CROCC2: variants seen among roughly 807,000 people sequenced by gnomAD.
The protein encoded by CROCC2 is ciliary rootlet coiled-coil, rootletin family member 2.
Under a neutral mutation model 177.6 loss-of-function variants are expected in CROCC2, and 163 were observed. That is an observed-to-expected ratio of 0.92 (90% CI 0.81 to 1.05). The LOEUF (loss-of-function observed/expected upper bound fraction) is 1.05. Ranked by LOEUF, CROCC2 falls within the 50% of genes least tolerant of loss-of-function variation. The pLI is 0.00. For missense variants in CROCC2, 1,929 were observed against 1,797.8 expected (o/e 1.07, Z -1.32); for synonymous variants, 904 against 787.3 (o/e 1.15, Z -2.48).
intron 27 of CROCC2, among the ~76,000 whole-genome samples, chr2:240,969,675 T>C (rs1007938085): frequency 6.6e-6 from 1 of 152,246 alleles, no homozygotes; most frequent in Non-Finnish European, 1.5e-5. Context: ...GTCTCCCACA[T>C]GCATGCAGAA....
At chr2:240,987,475 ACT>A (rs928948822) in intron 28 of CROCC2, among the ~76,000 whole-genome samples, 27 of 151,936 alleles carry the variant, frequency 1.8e-4, no homozygotes, top group African/African-American at 5.8e-4. Context: ...AGTGCAGGGG[ACT>A]CTCTGTTTTT....
intron 30 of CROCC2, 71 bp from the exon 31 acceptor site, chr2:240,991,125 C>A: frequency 8.4e-7 from 1 of 1,189,472 alleles, no homozygotes; most frequent in South Asian, 1.8e-5. Context: ...CAGAGCCCTC[C>A]ATGCCTCTAT....
intron 24 of CROCC2, 70 bp from the exon 25 acceptor site, chr2:240,966,155 A>G: frequency 1.6e-6 from 2 of 1,243,288 alleles, no homozygotes; most frequent in South Asian, 3.8e-5. Flanking sequence ...GGCAGCAGAG[A>G]GGAAAGGGGA....
At chr2:240,990,570 G>GTGTTTTGTTTTGTTTTGTTTTGTTT (rs368000484) in intron 30 of CROCC2, among the ~76,000 whole-genome samples, 6 of 152,098 alleles carry the variant, frequency 3.9e-5, no homozygotes, top group African/African-American at 1.4e-4. Flanking sequence ...ATCATTCTGA[G>GTGTTTTGTTTTGTTTTGTTTTGTTT]TGTTTTGTTT....
In CROCC2 at chr2:240,918,968, C is replaced by T. The variant is rs1395986916; in HGVS notation, c.229+92C>T. On this transcript the variant is annotated intron_variant, in intron 2 of 31. Transcript: ENST00000690015. This position sits in a 1 kb window ranked among gnomAD's most constrained non-coding sequence, Gnocchi z 6.3. Reference sequence around the variant, plus strand: ...GGCCCGGTGCTGGCCAAGGTGACGGCGTGGGGGACAGTCCTGGGCTCGCGG... The same window carrying T: ...GGCCCGGTGCTGGCCAAGGTGACGGTGTGGGGGACAGTCCTGGGCTCGCGG... 4.6e-6 allele frequency: 3 copies of T among 648,968 alleles called. No homozygotes were observed. Among genetic ancestry groups the T allele is most frequent in the South Asian group, 1.7e-5 (1 of 57,556 alleles). 40.2% of individuals were successfully genotyped at this position (648,968 alleles called of 1,614,324 possible).
intron 22 of CROCC2, 60 bp from the exon 23 acceptor site, chr2:240,965,321 G>A: frequency 1.3e-6 from 2 of 1,537,636 alleles, no homozygotes; most frequent in Middle Eastern, 2.2e-4. Flanking sequence ...GAGGCAGGGA[G>A]GCTGCCTGGG....
At chr2:240,928,452 G>GTGTGTGTGTA (rs1491433332) in intron 5 of CROCC2, among the ~76,000 whole-genome samples, 3 of 149,630 alleles carry the variant, frequency 2.0e-5, no homozygotes, top group Admixed American at 1.3e-4. Context: ...GTGTGTGTGT[G>GTGTGTGTGTA]TAGCAAGAAA....
In CROCC2 at chr2:240,918,496, G is replaced by A. The variant is rs1357672717; in HGVS notation, c.79-230G>A. Among the ~76,000 whole-genome samples, 1 of 152,172 alleles carries A rather than the reference G, an allele frequency of 6.6e-6. No individual in the cohort carries two copies. Among genetic ancestry groups the A allele is most frequent in the Non-Finnish European group, 1.5e-5 (1 of 68,024 alleles). On this transcript the variant is annotated intron_variant, in intron 1 of 31. Coordinates refer to ENST00000690015, the MANE Select transcript of CROCC2 (RefSeq NM_001351305.2). This position sits in a 1 kb window ranked among gnomAD's most constrained non-coding sequence, Gnocchi z 6.3. ...GCAGTACCTGCTCCTGCTGACCTCG[G>A]CTGGGTGTGGTCCTCCTCTCCAGAA...
chr2:240,915,884 G>A (rs1172976377), intron 1 of CROCC2, among the ~76,000 whole-genome samples: 1 of 152,148 alleles, frequency 6.6e-6, no homozygotes, highest in Non-Finnish European at 1.5e-5. Flanking sequence ...GTGAGTCTGG[G>A]GCCTTAGGGG....
chr2:240,963,951 C>T, intron 21 of CROCC2, 178 bp downstream of exon 21: 2 of 655,078 alleles, frequency 3.1e-6, no homozygotes, highest in East Asian at 5.5e-5. Context: ...GTCTGCAATG[C>T]TGGCCAGTGC....
intron 20 of CROCC2, among the ~76,000 whole-genome samples, chr2:240,962,854 G>C (rs66757740): frequency 0.38 from 58,363 of 152,060 alleles, 12,313 homozygotes; most frequent in East Asian, 0.48. Context: ...GGGCCTTCCT[G>C]CCAGGCTGCA....
chr2:240,911,574 AG>A (rs1409177553), intron 1 of CROCC2, among the ~76,000 whole-genome samples: 1 of 152,180 alleles, frequency 6.6e-6, no homozygotes, highest in Non-Finnish European at 1.5e-5. Flanking sequence ...CTGGAATTAC[AG>A]GTGTAAGCCG....
intron 1 of CROCC2, among the ~76,000 whole-genome samples, chr2:240,909,932 G>T (rs1404272809): frequency 6.6e-6 from 1 of 152,164 alleles, no homozygotes; most frequent in Non-Finnish European, 1.5e-5. Context: ...GTGGCTTGAG[G>T]ATGCAGGAGG....
chr2:240,961,477 C>T (rs936056138), intron 20 of CROCC2, among the ~76,000 whole-genome samples: 4 of 151,958 alleles, frequency 2.6e-5, no homozygotes, highest in Non-Finnish European at 5.9e-5. Flanking sequence ...GGCATACAGA[C>T]GTGCACACAC....
chr2:240,989,123 C>G (rs776747479), intron 29 of CROCC2, among the ~76,000 whole-genome samples: 3 of 152,128 alleles, frequency 2.0e-5, no homozygotes, highest in African/African-American at 7.2e-5. Flanking sequence ...GAGCCAGGCC[C>G]GGGCTCTGTA....
At position 240,931,032 on chromosome 2, in the gene CROCC2, C is replaced by T. The variant is rs889297637; in HGVS notation, c.851C>T (p.Thr284Met). 3.1e-5 allele frequency: 22 copies of T among 716,526 alleles called. 1 individual carries two copies. The highest frequency in any genetic ancestry group is 1.3e-4 in the East Asian group (5 of 37,300). 44.4% of individuals were successfully genotyped at this position (716,526 alleles called of 1,614,324 possible). A position where few individuals can be genotyped will look rare whatever the true frequency, so the allele number is the denominator to read the frequency against. ...AACCTGCGGCTGTCGGCCAGCAGCACGGCCAGCACCCTGGGGCAGCAGCTT... is the reference window on the plus strand; with the variant it reads ...AACCTGCGGCTGTCGGCCAGCAGCATGGCCAGCACCCTGGGGCAGCAGCTT... ...DSNLRLSASS[T>M]ASTLGQQLRD... Residue 284 changes from threonine to methionine, a missense_variant, in exon 7 of 32, where the codon ACG (threonine) becomes ATG (methionine). Physicochemically the swap from Thr to Met is moderately conservative, Grantham distance 81. Around this residue, in one of 3 missense-constraint regions of CROCC2, gnomAD observed 1,397 missense variants for 1,239.9 expected, o/e 1.13. Transcript: ENST00000690015.
At chr2:240,956,131 G>A (rs572204554) in intron 19 of CROCC2, among the ~76,000 whole-genome samples, 159 bp downstream of exon 19, 1 of 152,378 alleles carries the variant, frequency 6.6e-6, no homozygotes, top group South Asian at 2.1e-4. Context: ...CCTGGTGGGA[G>A]GGGCACTCAA....
At chr2:240,976,450 G>A (rs2059766582) in intron 27 of CROCC2, among the ~76,000 whole-genome samples, 2 of 116,906 alleles carry the variant, frequency 1.7e-5, no homozygotes, top group African/African-American at 6.7e-5. Flanking sequence ...AGGATCCCAG[G>A]CTCATCCCTG....
At chr2:240,911,814 G>A (rs1017796080) in intron 1 of CROCC2, among the ~76,000 whole-genome samples, 7 of 152,208 alleles carry the variant, frequency 4.6e-5, no homozygotes, top group East Asian at 3.9e-4. Context: ...TGTAGCAGGC[G>A]CCAGCATTTC....
Sources: gnomAD v4.1 joint callset for allele counts (sites outside exome capture counted in the v4.1 genomes callset) on GRCh38, gnomAD v4.1.1 for gene constraint, gnomAD v4.1.1 regional missense constraint, Gnocchi (gnomAD v3.1) non-coding constraint, MANE v1.5 for transcripts, NCBI Gene and HGNC (gene_info 2026-07-23, HGNC 2026-07-21) for gene names.